Variants in CNOT10 observed in about 807,000 individuals in gnomAD.
CNOT10 encodes the protein CCR4-NOT transcription complex, subunit 10.
A neutral mutation model predicts 94.6 loss-of-function variants in CNOT10; 30 were observed. The ratio of observed to expected loss-of-function variants is 0.32; its 90% confidence interval spans 0.24 to 0.43. The LOEUF (loss-of-function observed/expected upper bound fraction) is 0.43, where lower values mean the gene tolerates loss of function less well. CNOT10 is among the 20% of genes least tolerant of loss of function. The probability of loss-of-function intolerance (pLI) is 1.00; values close to 1 mark genes in which losing one functional copy is unlikely to be tolerated. For missense variants in CNOT10, 759 were observed against 877.2 expected, an observed-to-expected ratio of 0.87 and a Z score of 1.70; for synonymous variants, 289 against 301.6, an observed-to-expected ratio of 0.96 and a Z score of 0.43.
chr3:32,706,384 T>G (rs1419323680), intron 3 of CNOT10, among the ~76,000 whole-genome samples: 1 of 152,244 alleles, frequency 6.6e-6, no homozygotes, highest in East Asian at 1.9e-4. Flanking sequence ...AAAAACTTTG[T>G]GAAGTTCTTT....
intron 1 of CNOT10, among the ~76,000 whole-genome samples, chr3:32,692,347 TG>T (rs1463442452): frequency 3.3e-5 from 5 of 152,186 alleles, no homozygotes; most frequent in African/African-American, 7.2e-5. Flanking sequence ...CCTCCCAGCT[TG>T]GTCTCTCAAA....
At chr3:32,719,986 A>G (rs1038007029) in intron 7 of CNOT10, 128 bp from the exon 8 acceptor site, 6 of 469,588 alleles carry the variant, frequency 1.3e-5, no homozygotes, top group African/African-American at 9.7e-5. Context: ...TAGAGACTAT[A>G]TAATTTTTTG....
At chr3:32,720,785 C>G (rs531640615) in intron 8 of CNOT10, among the ~76,000 whole-genome samples, 1 of 151,968 alleles carries the variant, frequency 6.6e-6, no homozygotes, top group Non-Finnish European at 1.5e-5. Flanking sequence ...GTGCCTGGCC[C>G]AGATAGCTTG....
At chr3:32,743,512 C>T (rs187856059) in intron 13 of CNOT10, among the ~76,000 whole-genome samples, 1 of 151,942 alleles carries the variant, frequency 6.6e-6, no homozygotes, top group African/African-American at 2.4e-5. Flanking sequence ...CACACACCTG[C>T]AGTCCCAGCT....
At chr3:32,753,056 T>C (rs1214680700) in intron 13 of CNOT10, 2 of 505,102 alleles carry the variant, frequency 4.0e-6, no homozygotes, top group East Asian at 1.0e-4. Flanking sequence ...AATATTAGTG[T>C]CAAAGAGCTT....
At chr3:32,693,498 G>A (rs111489084) in intron 1 of CNOT10, 2,922 of 151,658 alleles carry the variant, frequency 0.019, 42 homozygotes, top group East Asian at 0.047. Context: ...GATTACAGGC[G>A]TGAGTAAGTG....
At chr3:32,749,625 G>A (rs1699869688) in intron 13 of CNOT10, among the ~76,000 whole-genome samples, 1 of 151,820 alleles carries the variant, frequency 6.6e-6, no homozygotes, top group African/African-American at 2.4e-5. Context: ...GGTCATGCTG[G>A]TCTCGAACAC....
At chr3:32,689,353 CAA>C (rs199702747) in intron 1 of CNOT10, among the ~76,000 whole-genome samples, 23 of 76,190 alleles carry the variant, frequency 3.0e-4, no homozygotes, top group Admixed American at 8.1e-4. Context: ...AACACCATCT[CAA>C]AAAAAAAAAA....
At chr3:32,771,194 G>A (rs1700888903) in intron 18 of CNOT10, among the ~76,000 whole-genome samples, 1 of 152,012 alleles carries the variant, frequency 6.6e-6, no homozygotes, top group African/African-American at 2.4e-5. Context: ...GGGTGTGGTG[G>A]TGTGCGCCTG....
At chr3:32,734,233 A>G (rs1176297182) in intron 11 of CNOT10, among the ~76,000 whole-genome samples, 1 of 152,240 alleles carries the variant, frequency 6.6e-6, no homozygotes, top group African/African-American at 2.4e-5. Flanking sequence ...TTTTAAAGCA[A>G]TTTCAAAGTT....
intron 17 of CNOT10, among the ~76,000 whole-genome samples, chr3:32,766,617 A>AGCGG (rs1167968989): frequency 7.4e-6 from 1 of 135,886 alleles, no homozygotes; most frequent in Non-Finnish European, 1.6e-5. Flanking sequence ...CGGGCAACAG[A>AGCGG]GCGGGACTCT....
intron 14 of CNOT10, among the ~76,000 whole-genome samples, chr3:32,760,367 C>T (rs957738379): frequency 2.6e-5 from 4 of 152,050 alleles, no homozygotes; most frequent in Non-Finnish European, 5.9e-5. Flanking sequence ...TGTGGTGGCT[C>T]ATGCCTGTAA....
At position 32,723,947 on chromosome 3, in the gene CNOT10, G is replaced by A. The variant is rs549226277; in HGVS notation, c.863-1503G>A. Among the ~76,000 whole-genome samples, 9 of 152,200 alleles carry A rather than the reference G, an allele frequency of 5.9e-5. No homozygotes were observed. In the South Asian group the frequency reaches 1.9e-3, roughly 32 times the overall value. On this transcript the variant is annotated intron_variant, in intron 8 of 18. Coordinates refer to ENST00000328834, the MANE Select transcript of CNOT10 (RefSeq NM_015442.3). ...ATTAAAAAATTAGCTGGGCATGGTG[G>A]CCCGTGCCTGTAGTCCCAGCTACTC...
At chr3:32,729,914 G>GC (rs1165008151) in intron 10 of CNOT10, among the ~76,000 whole-genome samples, 164 of 149,524 alleles carry the variant, frequency 1.1e-3, no homozygotes, top group Non-Finnish European at 1.9e-3. Context: ...GACTACAGGC[G>GC]CCCGCCACTA....
At chr3:32,685,820 T>C (rs1309150908) in intron 1 of CNOT10, among the ~76,000 whole-genome samples, 1 of 152,194 alleles carries the variant, frequency 6.6e-6, no homozygotes, top group African/African-American at 2.4e-5. Flanking sequence ...AAAGTCACCC[T>C]GGAGCACACA....
At chr3:32,729,218 C>T (rs1462873599) in intron 10 of CNOT10, among the ~76,000 whole-genome samples, 1 of 152,222 alleles carries the variant, frequency 6.6e-6, no homozygotes, top group Non-Finnish European at 1.5e-5. Flanking sequence ...GGCTGTTTCT[C>T]TCTGACACAT....
At chr3:32,751,629 C>G (rs1699970191) in intron 13 of CNOT10, among the ~76,000 whole-genome samples, 1 of 152,148 alleles carries the variant, frequency 6.6e-6, no homozygotes, top group Non-Finnish European at 1.5e-5. Context: ...GAAGATGAAT[C>G]AAACAAATGG....
intron 14 of CNOT10, among the ~76,000 whole-genome samples, chr3:32,760,999 C>A (rs1700419794): frequency 6.6e-6 from 1 of 151,522 alleles, no homozygotes; most frequent in Non-Finnish European, 1.5e-5. Flanking sequence ...CATGGGGGCA[C>A]ACTCCTGTAA....
At chr3:32,696,768 T>C (rs1697089060) in intron 1 of CNOT10, among the ~76,000 whole-genome samples, 3 of 151,688 alleles carry the variant, frequency 2.0e-5, no homozygotes, top group African/African-American at 7.3e-5. Flanking sequence ...TGGCTAAGTT[T>C]TGTGTTTTTG....
Sources: allele counts gnomAD v4.1 joint callset (sites outside exome capture counted in the v4.1 genomes callset), GRCh38; gene constraint gnomAD v4.1.1; transcripts MANE v1.5; gene names NCBI Gene and HGNC (gene_info 2026-07-23, HGNC 2026-07-21).